Variants in MYRIP observed in about 807,000 individuals in gnomAD.
MYRIP encodes rab effector MyRIP.
A neutral mutation model predicts 98.0 loss-of-function variants in MYRIP; 49 were observed. The observed-to-expected ratio is 0.50, with a 90% CI of 0.40 to 0.63. The LOEUF (loss-of-function observed/expected upper bound fraction) is 0.63. MYRIP is among the 30% of genes least tolerant of loss of function. MYRIP has a pLI of 0.00. For missense variants in MYRIP, 1,004 were observed against 1,058.2 expected, an observed-to-expected ratio of 0.95 and a Z score of 0.71; for synonymous variants, 404 against 409.5, an observed-to-expected ratio of 0.99 and a Z score of 0.16.
chr3:40,042,421 G>A (rs1947559382), intron 2 of MYRIP, among the ~76,000 whole-genome samples: 2 of 151,774 alleles, frequency 1.3e-5, no homozygotes, highest in South Asian at 2.1e-4. Context: ...TGAAAGAAAA[G>A]CCTGACAGAT....
intron 3 of MYRIP, among the ~76,000 whole-genome samples, chr3:40,127,275 C>T (rs1949543130): frequency 6.6e-6 from 1 of 152,168 alleles, no homozygotes; most frequent in Non-Finnish European, 1.5e-5. Context: ...CCTCATATAA[C>T]TCTGCCAGAT....
chr3:40,224,955 C>T (rs767481192), intron 11 of MYRIP, among the ~76,000 whole-genome samples: 5 of 152,116 alleles, frequency 3.3e-5, no homozygotes, highest in Non-Finnish European at 5.9e-5. Flanking sequence ...TGCTGGAGTG[C>T]CTTATGTTTC....
intron 10 of MYRIP, among the ~76,000 whole-genome samples, chr3:40,190,855 G>A (rs1359308672): frequency 1.3e-5 from 2 of 152,204 alleles, no homozygotes; most frequent in African/African-American, 4.8e-5. Flanking sequence ...GGTTTAGGGT[G>A]AGGGATCTAG....
chr3:40,120,262 G>T lies in MYRIP; in HGVS notation c.333-30786G>T, dbSNP rs575916117. Among the ~76,000 whole-genome samples, 288 of 152,250 alleles carry T rather than the reference G, an allele frequency of 1.9e-3. 2 individuals carry two copies. Among genetic ancestry groups the T allele is most frequent in the African/African-American group, 6.7e-3 (279 of 41,548 alleles). On this transcript the variant is annotated intron_variant, in intron 3 of 16. Transcript: ENST00000302541. ...ACACTGTGTGTCTGTTATAACTAAA[G>T]TCCAGAATTGCCTAATATTCACAGT... is the stretch of plus-strand genomic sequence containing the variant.
chr3:40,082,696 G>T (rs1286859317), intron 3 of MYRIP, among the ~76,000 whole-genome samples: 1 of 152,132 alleles, frequency 6.6e-6, no homozygotes, highest in Non-Finnish European at 1.5e-5. Context: ...AATGGCTGAG[G>T]AAAAACAAAA....
At chr3:40,224,929 C>T (rs948693855) in intron 11 of MYRIP, among the ~76,000 whole-genome samples, 16 of 152,260 alleles carry the variant, frequency 1.1e-4, no homozygotes, top group East Asian at 3.9e-4. Flanking sequence ...TGTATTTTGA[C>T]GGGTTTTAGC....
intron 1 of MYRIP, chr3:39,810,645 C>T (rs1271334560): frequency 1.3e-5 from 2 of 152,300 alleles, no homozygotes; most frequent in Non-Finnish European, 2.9e-5. Context: ...GTGGTGGGAA[C>T]CCCAAGACCT....
chr3:40,150,817 A>G (rs1013003361), intron 3 of MYRIP, among the ~76,000 whole-genome samples: 2 of 152,184 alleles, frequency 1.3e-5, no homozygotes, highest in African/African-American at 4.8e-5. Context: ...TACTCACGTG[A>G]TAAAGGTTGT....
At chr3:39,923,277 C>T (rs192945235) in intron 2 of MYRIP, among the ~76,000 whole-genome samples, 84 of 152,066 alleles carry the variant, frequency 5.5e-4, no homozygotes, top group African/African-American at 1.9e-3. Context: ...GAAAAAAGTA[C>T]TTGAAGAAAT....
rs1006971678 is a variant in MYRIP at position 40,147,051 on chromosome 3, A to C, written c.333-3997A>C. The stretch of plus-strand genomic sequence containing the variant: ...TTGCCAAGTCCCAGTCCCCCAGGGA[A>C]TCACATTTAAACATTTCTGGGGGCT... On this transcript the variant is annotated intron_variant, in intron 3 of 16. Transcript: ENST00000302541. Among the ~76,000 whole-genome samples, 31 of 152,244 alleles carry C rather than the reference A, an allele frequency of 2.0e-4. 1 individual carries two copies. The highest frequency in any genetic ancestry group is 4.4e-5 in the Non-Finnish European group (3 of 68,046).
At chr3:40,116,425 A>G (rs1201202570) in intron 3 of MYRIP, among the ~76,000 whole-genome samples, 1 of 151,690 alleles carries the variant, frequency 6.6e-6, no homozygotes, top group Non-Finnish European at 1.5e-5. Flanking sequence ...ACATCCCCCT[A>G]CTGTAAGTAA....
At chr3:40,001,354 A>G (rs777800995) in intron 2 of MYRIP, among the ~76,000 whole-genome samples, 2 of 152,216 alleles carry the variant, frequency 1.3e-5, no homozygotes, top group African/African-American at 4.8e-5. Context: ...AAACTTTTGG[A>G]GACAGTTCTA....
chr3:39,969,685 G>A (rs941707539), intron 2 of MYRIP, among the ~76,000 whole-genome samples: 1 of 152,128 alleles, frequency 6.6e-6, no homozygotes, highest in South Asian at 2.1e-4. Context: ...CTTGATCATC[G>A]TGGATTAGCT....
intron 2 of MYRIP, among the ~76,000 whole-genome samples, chr3:39,959,168 C>T (rs1945254061): frequency 6.6e-6 from 1 of 152,022 alleles, no homozygotes; most frequent in African/African-American, 2.4e-5. Flanking sequence ...CCAGACATCC[C>T]ATTACTGGGT....
At chr3:40,080,101 T>C (rs138788637) in intron 3 of MYRIP, among the ~76,000 whole-genome samples, 204 of 152,336 alleles carry the variant, frequency 1.3e-3, no homozygotes, top group African/African-American at 4.3e-3. Context: ...CTAGTGTGTG[T>C]GAGATTGGCT....
intron 1 of MYRIP, among the ~76,000 whole-genome samples, chr3:39,865,461 A>G (rs1282417796): frequency 6.6e-6 from 1 of 152,322 alleles, no homozygotes; most frequent in Non-Finnish European, 1.5e-5. Flanking sequence ...TCTATAAGGA[A>G]CTTAAACAAA....
intron 9 of MYRIP, among the ~76,000 whole-genome samples, chr3:40,186,007 C>T (rs1951026174): frequency 6.6e-6 from 1 of 152,032 alleles, no homozygotes; most frequent in African/African-American, 2.4e-5. Context: ...CCTCAAGGAG[C>T]CCATGATCAG....
At chr3:40,052,569 A>G (rs1193782116) in intron 3 of MYRIP, among the ~76,000 whole-genome samples, 2 of 152,160 alleles carry the variant, frequency 1.3e-5, no homozygotes, top group Admixed American at 1.3e-4. Flanking sequence ...ACTCTTTTCC[A>G]TTGCTGGGGA....
intron 1 of MYRIP, among the ~76,000 whole-genome samples, chr3:39,899,747 G>C (rs1206615037): frequency 6.6e-6 from 1 of 152,132 alleles, no homozygotes; most frequent in African/African-American, 2.4e-5. Flanking sequence ...TTTCATTTTG[G>C]TGGATGTAAA....
Sources: allele counts gnomAD v4.1 joint callset (sites outside exome capture counted in the v4.1 genomes callset), GRCh38; gene constraint gnomAD v4.1.1; transcripts MANE v1.5; gene names NCBI Gene and HGNC (gene_info 2026-07-23, HGNC 2026-07-21).